The following TRIM61 variants were observed in gnomAD, a reference collection of about 807,000 sequenced individuals.
TRIM61 encodes the protein tripartite motif containing 61.
Under a neutral mutation model 14.2 loss-of-function variants are expected in TRIM61, and 1 was observed. The ratio of observed to expected loss-of-function variants is 0.07; its 90% CI spans 0.03 to 0.33. TRIM61 has a LOEUF of 0.33. Ranked by LOEUF, TRIM61 falls within the 10% of genes least tolerant of loss-of-function variation. The probability of loss-of-function intolerance (pLI) is 0.99; values close to 1 mark genes in which losing one functional copy is unlikely to be tolerated. For synonymous variants in TRIM61, 8 were observed against 71.6 expected, an observed-to-expected ratio of 0.11 and a Z score of 4.49; for missense variants, 19 against 202.2, an observed-to-expected ratio of 0.09 and a Z score of 5.49.
chr4:164,973,209 C>T (rs997400824), intron 2 of TRIM61, among the ~76,000 whole-genome samples: 2 of 152,122 alleles, frequency 1.3e-5, no homozygotes, highest in South Asian at 4.2e-4. Context: ...AGAACAACTC[C>T]GTAAGTTAGG....
chr4:164,961,654 C>G (rs1279583045), intron 3 of TRIM61, among the ~76,000 whole-genome samples: 3 of 150,482 alleles, frequency 2.0e-5, no homozygotes, highest in African/African-American at 7.3e-5. Context: ...AGAAGCCCAC[C>G]AAGCATGATG....
At chr4:164,974,527 T>C (rs1046405623) in intron 2 of TRIM61, among the ~76,000 whole-genome samples, 2 of 152,116 alleles carry the variant, frequency 1.3e-5, no homozygotes, top group African/African-American at 4.8e-5. Flanking sequence ...GTATATTGTA[T>C]ATCCAGGGAT....
At chr4:164,958,288 A>G (rs1732060090) in intron 3 of TRIM61, 1 of 167,082 alleles carries the variant, frequency 6.0e-6, no homozygotes, top group African/African-American at 2.4e-5. Flanking sequence ...TCGTTCTATT[A>G]AAAGTAAGAC....
chr4:164,976,594 A>C (rs1454854270), intron 2 of TRIM61, 94 bp downstream of exon 2: 2 of 152,230 alleles, frequency 1.3e-5, no homozygotes. Context: ...AGCTAAACTG[A>C]CCTTTTCAAA....
rs1579138872 is a variant in TRIM61 at position 164,955,055 on chromosome 4, CGT to C, written c.565_566del (p.Thr189AspfsTer61). The C allele has an allele frequency of 9.4e-6, 2 of 213,340 alleles. No homozygotes were observed. Among genetic ancestry groups the C allele is most frequent in the South Asian group, 9.4e-5 (2 of 21,228 alleles). 13.2% of individuals were successfully genotyped at this position (213,340 alleles called of 1,614,324 possible). A position where few individuals can be genotyped will look rare whatever the true frequency, so the allele number is the denominator to read the frequency against. On this transcript the variant is annotated frameshift_variant, in exon 4 of 5. Transcript: ENST00000329314. LOFTEE classifies it high-confidence loss of function. ...GGCGGAGGTTGAAGTGAGCCGAGATCGTGCAACTGCACTCCAGCCTGGTGACA... is the reference window on the plus strand; with the variant it reads ...GGCGGAGGTTGAAGTGAGCCGAGATCGCAACTGCACTCCAGCCTGGTGACA...
At chr4:164,974,550 A>C (rs1005390940) in intron 2 of TRIM61, among the ~76,000 whole-genome samples, 1 of 152,130 alleles carries the variant, frequency 6.6e-6, no homozygotes, top group Non-Finnish European at 1.5e-5. Flanking sequence ...GAGTACATTT[A>C]ACTTGTGAAA....
chr4:164,957,289 C>G (rs1732027466), intron 3 of TRIM61: 1 of 1,614,054 alleles, frequency 6.2e-7, no homozygotes, highest in Admixed American at 1.7e-5. Context: ...CGTGCCCTGT[C>G]AGCCGCTCAT....
At chr4:164,968,297 T>C in intron 3 of TRIM61, 1 of 961,760 alleles carries the variant, frequency 1.0e-6, no homozygotes, top group Non-Finnish European at 1.2e-6. Context: ...AAAAAATTAC[T>C]GGGCTTTTAT....
Position 164,955,750 on chromosome 4 carries a change from T to G in TRIM61, c.526-654A>C, listed in dbSNP as rs1731973012. ...GACTCAGGTAATCTGAGACCAGGCC[T>G]GGGATCCACACACAAGACACACACA... On this transcript the variant is annotated intron_variant, in intron 3 of 4. Transcript: ENST00000329314. Among the ~76,000 whole-genome samples, 10 of 152,086 alleles carry G rather than the reference T, an allele frequency of 6.6e-5. No homozygotes were observed. The South Asian group carries it at 2.1e-3, about 32-fold the overall frequency.
At chr4:164,964,913 CT>C (rs1732206183) in intron 3 of TRIM61, among the ~76,000 whole-genome samples, 1 of 152,188 alleles carries the variant, frequency 6.6e-6, no homozygotes, top group Non-Finnish European at 1.5e-5. Context: ...TCTAATAACA[CT>C]TATTTCACCA....
intron 3 of TRIM61, among the ~76,000 whole-genome samples, chr4:164,965,264 G>A (rs1732212536): frequency 6.7e-6 from 1 of 148,594 alleles, no homozygotes; most frequent in African/African-American, 2.5e-5. Context: ...CTCCAGCCTG[G>A]ACAACAGAGT....
chr4:164,972,380 C>A (rs1332349023), intron 2 of TRIM61, among the ~76,000 whole-genome samples: 1 of 151,450 alleles, frequency 6.6e-6, no homozygotes, highest in Non-Finnish European at 1.5e-5. Flanking sequence ...TGGATCCAAA[C>A]AAGAGCCATG....
chr4:164,974,987 C>T (rs1732450596), intron 2 of TRIM61, among the ~76,000 whole-genome samples: 1 of 152,114 alleles, frequency 6.6e-6, no homozygotes, highest in South Asian at 2.1e-4. Context: ...AATCCCAGCA[C>T]TTTGGGAGGC....
chr4:164,962,294 C>T (rs1732154139), intron 3 of TRIM61, among the ~76,000 whole-genome samples: 2 of 149,488 alleles, frequency 1.3e-5, no homozygotes, highest in Non-Finnish European at 3.0e-5. Context: ...GATCTTGGCT[C>T]ACTGCAAGCT....
rs1272866172 is a variant in TRIM61 at position 164,969,477 on chromosome 4, C to A, written c.525+1G>T. The A allele has an allele frequency of 5.2e-6, 8 of 1,528,728 alleles. No homozygotes were observed. The South Asian group carries it at 8.0e-5, about 15-fold the overall frequency. The allele number at this position is 1,528,728 out of a possible 1,614,324, so 94.7% of individuals were successfully genotyped here. On this transcript the variant is annotated splice_donor_variant, in intron 3 of 4. Coordinates refer to ENST00000329314, the MANE Select transcript of TRIM61 (RefSeq NM_001012414.3). LOFTEE classifies it high-confidence loss of function. ...TTGACTTCTTCTGCCCTATGTTTTA[C>A]CTTTTTCTTCAGTTCCAGTGATTTC...
intron 3 of TRIM61, among the ~76,000 whole-genome samples, chr4:164,962,451 G>C (rs1732157643): frequency 6.6e-6 from 1 of 151,780 alleles, no homozygotes; most frequent in Non-Finnish European, 1.5e-5. Context: ...CACCGTGTAA[G>C]CCAGGATGGT....
chr4:164,976,603 A>G (rs573994364), intron 2 of TRIM61, 85 bp downstream of exon 2: 4 of 152,382 alleles, frequency 2.6e-5, no homozygotes, highest in Admixed American at 2.0e-4. Context: ...GACCTTTTCA[A>G]ATACAAACAG....
chr4:164,957,386 G>C, intron 3 of TRIM61: 2 of 1,614,094 alleles, frequency 1.2e-6, no homozygotes, highest in South Asian at 2.2e-5. Flanking sequence ...AGGACCACCA[G>C]GAAAAGTCAG....
At chr4:164,964,219 G>A (rs998034985) in intron 3 of TRIM61, among the ~76,000 whole-genome samples, 38 of 151,586 alleles carry the variant, frequency 2.5e-4, no homozygotes, top group Non-Finnish European at 4.9e-4. Flanking sequence ...TTGGTGGTGG[G>A]CGCATGTAGT....
Sources: gnomAD v4.1 joint callset for allele counts (sites outside exome capture counted in the v4.1 genomes callset) on GRCh38, gnomAD v4.1.1 for gene constraint, MANE v1.5 for transcripts, NCBI Gene and HGNC (gene_info 2026-07-23, HGNC 2026-07-21) for gene names.